The following STK32B variants were observed in gnomAD, a reference collection of about 807,000 sequenced individuals.
STK32B encodes the protein serine/threonine-protein kinase 32B.
A neutral mutation model predicts 52.6 loss-of-function variants in STK32B; 43 were observed. The observed-to-expected ratio is 0.82, with a 90% CI of 0.64 to 1.05. The LOEUF is 1.05. Ranked by LOEUF, STK32B falls within the 50% of genes least tolerant of loss-of-function variation. STK32B has a pLI of 0.00. For synonymous variants in STK32B, 238 were observed against 204.3 expected (o/e 1.17, Z -1.41); for missense variants, 621 against 534.6 (o/e 1.16, Z -1.59).
intron 4 of STK32B, among the ~76,000 whole-genome samples, chr4:5,336,903 C>G (rs945916183): frequency 1.3e-5 from 2 of 152,218 alleles, no homozygotes; most frequent in African/African-American, 4.8e-5. Flanking sequence ...AATGTCAGAT[C>G]TGATAAGCTT....
intron 3 of STK32B, among the ~76,000 whole-genome samples, chr4:5,208,701 A>G (rs1722725739): frequency 6.6e-6 from 1 of 151,718 alleles, no homozygotes; most frequent in Non-Finnish European, 1.5e-5. Context: ...ACTGATAAAC[A>G]CGGTAGTCTC....
intron 3 of STK32B, among the ~76,000 whole-genome samples, chr4:5,315,931 C>T (rs534991685): frequency 1.5e-3 from 220 of 150,608 alleles, no homozygotes; most frequent in Non-Finnish European, 2.7e-3. Flanking sequence ...TCTCGAACTC[C>T]TGACCTCAGG....
intron 3 of STK32B, among the ~76,000 whole-genome samples, chr4:5,221,219 G>A (rs991740967): frequency 1.3e-5 from 2 of 152,086 alleles, no homozygotes; most frequent in African/African-American, 4.8e-5. Context: ...TCCACTTCTG[G>A]AAGGCGGTAA....
At chr4:5,491,155 T>G (rs1047622133) in intron 11 of STK32B, among the ~76,000 whole-genome samples, 8 of 152,238 alleles carry the variant, frequency 5.3e-5, no homozygotes, top group Admixed American at 3.3e-4. Flanking sequence ...CCACACTGAC[T>G]TCCACAATGG....
intron 11 of STK32B, among the ~76,000 whole-genome samples, chr4:5,497,255 C>T (rs369361225): frequency 2.1e-4 from 32 of 152,312 alleles, no homozygotes; most frequent in East Asian, 1.2e-3. Flanking sequence ...TGTGAATGTT[C>T]TGGTCTAATG....
intron 5 of STK32B, among the ~76,000 whole-genome samples, chr4:5,411,974 G>T (rs1025781224): frequency 1.3e-4 from 20 of 152,194 alleles, no homozygotes; most frequent in African/African-American, 4.8e-4. Flanking sequence ...TATCAATCGT[G>T]TAAGTCCTGG....
chr4:5,314,795 G>T (rs79186769), intron 3 of STK32B, among the ~76,000 whole-genome samples: 3 of 152,044 alleles, frequency 2.0e-5, no homozygotes, highest in African/African-American at 7.2e-5. Flanking sequence ...TAGCAAAACG[G>T]GCTGGGAAAT....
chr4:5,355,785 C>A (rs1734136395), intron 4 of STK32B, among the ~76,000 whole-genome samples: 1 of 152,146 alleles, frequency 6.6e-6, no homozygotes, highest in Admixed American at 6.5e-5. Context: ...GATATGATAC[C>A]TGAATCCTTC....
the STK32B span, among the ~76,000 whole-genome samples, chr4:5,026,227 G>T: frequency 6.6e-6 from 1 of 152,196 alleles, no homozygotes; most frequent in Admixed American, 6.5e-5. Context: ...GTTCAGACAG[G>T]CATATTCCAA....
At position 5,378,739 on chromosome 4, in the gene STK32B, T is replaced by A. The variant is rs1560366459; in HGVS notation, c.435-19468T>A. On this transcript the variant is annotated intron_variant, in intron 4 of 11. Transcript: ENST00000282908. This position sits in a 1 kb window ranked among gnomAD's most constrained non-coding sequence, Gnocchi z 4.4. ...GCATTTTAGTCAGCACACCTGCTGC[T>A]GGTTGGTGGAAATGTCTTTGAGAAA... Among the ~76,000 whole-genome samples the A allele has an allele frequency of 6.6e-6, 1 of 152,162 alleles. No individual in the cohort carries two copies. Among genetic ancestry groups the A allele is most frequent in the Admixed American group, 6.5e-5 (1 of 15,284 alleles).
At chr4:5,212,231 G>A (rs1312912097) in intron 3 of STK32B, among the ~76,000 whole-genome samples, 1 of 152,130 alleles carries the variant, frequency 6.6e-6, no homozygotes, top group East Asian at 1.9e-4. Context: ...TAGACATTTA[G>A]AAGGTGGGGA....
chr4:5,113,913 T>C (rs1046333577), intron 1 of STK32B, among the ~76,000 whole-genome samples: 1 of 119,306 alleles, frequency 8.4e-6, no homozygotes, highest in African/African-American at 3.2e-5. Context: ...AGAGAGCTTA[T>C]GCAGGGAAAC....
At chr4:5,285,008 A>T (rs554021653) in intron 3 of STK32B, among the ~76,000 whole-genome samples, 16 of 148,594 alleles carry the variant, frequency 1.1e-4, no homozygotes, top group African/African-American at 3.9e-4. Context: ...ATTTTAAACA[A>T]ATTGTTCATC....
chr4:5,281,744 C>G (rs1728212331), intron 3 of STK32B, among the ~76,000 whole-genome samples: 1 of 152,074 alleles, frequency 6.6e-6, no homozygotes, highest in Admixed American at 6.6e-5. Flanking sequence ...AGAGTAAGTG[C>G]AAAACTCAAA....
chr4:5,461,968 C>T (rs1717062360), intron 9 of STK32B, among the ~76,000 whole-genome samples: 1 of 152,188 alleles, frequency 6.6e-6, no homozygotes, highest in African/African-American at 2.4e-5. Flanking sequence ...GACAAAGTGT[C>T]CAGGGCAGGC....
At chr4:5,234,391 C>T (rs1222580635) in intron 3 of STK32B, among the ~76,000 whole-genome samples, 1 of 152,156 alleles carries the variant, frequency 6.6e-6, no homozygotes, top group Non-Finnish European at 1.5e-5. Flanking sequence ...TTTCTTAACC[C>T]CACATCTTTT....
chr4:5,384,933 G>A (rs1736149868), intron 4 of STK32B, among the ~76,000 whole-genome samples: 1 of 152,142 alleles, frequency 6.6e-6, no homozygotes, highest in Non-Finnish European at 1.5e-5. Flanking sequence ...AAGAACTTAA[G>A]AGGCCAGATG....
chr4:5,257,769 G>T (rs184643593), intron 3 of STK32B, among the ~76,000 whole-genome samples: 1 of 152,078 alleles, frequency 6.6e-6, no homozygotes, highest in Admixed American at 6.6e-5. Flanking sequence ...ATGGCAAAAC[G>T]CTGTCTTTAC....
intron 3 of STK32B, among the ~76,000 whole-genome samples, chr4:5,259,926 G>A (rs1365413042): frequency 2.0e-5 from 3 of 152,058 alleles, no homozygotes; most frequent in Non-Finnish European, 4.4e-5. Flanking sequence ...AGACCTGGGG[G>A]TGTGGTAGGT....
Sources: allele counts gnomAD v4.1 joint callset (sites outside exome capture counted in the v4.1 genomes callset), GRCh38; gene constraint gnomAD v4.1.1; non-coding constraint Gnocchi (gnomAD v3.1); transcripts MANE v1.5; gene names NCBI Gene and HGNC (gene_info 2026-07-23, HGNC 2026-07-21).